ARHGAP42: variants seen among roughly 807,000 people sequenced by gnomAD.
ARHGAP42 encodes the protein Rho GTPase activating protein 42.
A neutral mutation model predicts 125.0 loss-of-function variants in ARHGAP42; 63 were observed. The ratio of observed to expected loss-of-function variants is 0.50; its 90% CI spans 0.41 to 0.62. The LOEUF (loss-of-function observed/expected upper bound fraction) is 0.62, where lower values mean the gene tolerates loss of function less well. Among genes scored for constraint, ARHGAP42 ranks in the 20% least tolerant of loss-of-function variants. The probability of loss-of-function intolerance (pLI) is 0.00; values close to 1 mark genes in which losing one functional copy is unlikely to be tolerated. For missense variants in ARHGAP42, 766 were observed against 1,024.2 expected (o/e 0.75, Z 3.44); for synonymous variants, 339 against 351.0 (o/e 0.97, Z 0.38).
chr11:100,862,443 G>A (rs1043472925), intron 4 of ARHGAP42, among the ~76,000 whole-genome samples: 5 of 152,152 alleles, frequency 3.3e-5, no homozygotes, highest in African/African-American at 1.2e-4. Context: ...GGAGGTTCAA[G>A]TTATCTTACA....
chr11:100,985,783 C>T (rs751325682), intron 22 of ARHGAP42, among the ~76,000 whole-genome samples: 1 of 152,214 alleles, frequency 6.6e-6, no homozygotes, highest in Non-Finnish European at 1.5e-5. Context: ...ATTTTCCTCT[C>T]TACACCTTCC....
At chr11:100,695,875 G>A (rs1037251309) in intron 1 of ARHGAP42, among the ~76,000 whole-genome samples, 1 of 152,138 alleles carries the variant, frequency 6.6e-6, no homozygotes, top group Non-Finnish European at 1.5e-5. Flanking sequence ...CTAGGATTTT[G>A]AGGATAATTC....
chr11:100,721,380 G>A (rs1861755553), intron 1 of ARHGAP42, among the ~76,000 whole-genome samples: 1 of 152,058 alleles, frequency 6.6e-6, no homozygotes, highest in African/African-American at 2.4e-5. Context: ...GCAATGTATA[G>A]CCCTTTCATA....
At chr11:100,807,169 G>T (rs966599017) in intron 3 of ARHGAP42, among the ~76,000 whole-genome samples, 2 of 148,908 alleles carry the variant, frequency 1.3e-5, no homozygotes, top group African/African-American at 4.9e-5. Flanking sequence ...TTTTTTAATT[G>T]TGCAAAGAGC....
chr11:100,751,442 C>T (rs910052207), intron 1 of ARHGAP42, among the ~76,000 whole-genome samples: 1 of 151,752 alleles, frequency 6.6e-6, no homozygotes, highest in South Asian at 2.1e-4. Context: ...CACTACCATA[C>T]CCAGCTAATT....
rs547781066 is a variant in ARHGAP42 at position 100,690,396 on chromosome 11, A to G, written c.154+2564A>G. ...TGAGAGTTTTGACTTGCACTCTCTT[A>G]GGTAATACACGCCTGACTATTCCAA... On this transcript the variant is annotated intron_variant, in intron 1 of 23. Coordinates refer to ENST00000298815, the MANE Select transcript of ARHGAP42 (RefSeq NM_152432.4). Among the ~76,000 whole-genome samples, 20 of 152,232 alleles carry G rather than the reference A, an allele frequency of 1.3e-4. No homozygotes were observed. The South Asian group carries it at 4.1e-3, about 32-fold the overall frequency.
chr11:100,833,443 G>A (rs1390140951), intron 3 of ARHGAP42, among the ~76,000 whole-genome samples: 1 of 152,164 alleles, frequency 6.6e-6, no homozygotes, highest in East Asian at 1.9e-4. Context: ...GTTTGGGCAG[G>A]GCTCAGATGG....
intron 4 of ARHGAP42, among the ~76,000 whole-genome samples, chr11:100,894,301 G>A (rs1242225341): frequency 6.6e-6 from 1 of 152,116 alleles, no homozygotes; most frequent in Non-Finnish European, 1.5e-5. Flanking sequence ...GGTGACCTGG[G>A]TAATTTCACA....
chr11:100,754,166 TA>T (rs1354494734), intron 1 of ARHGAP42, among the ~76,000 whole-genome samples: 1 of 151,846 alleles, frequency 6.6e-6, no homozygotes, highest in Admixed American at 6.6e-5. Context: ...TGGGAGATGT[TA>T]AAAAAAAATC....
chr11:100,903,925 T>C (rs1207966123), intron 4 of ARHGAP42, among the ~76,000 whole-genome samples: 5 of 151,554 alleles, frequency 3.3e-5, no homozygotes, highest in African/African-American at 1.2e-4. Flanking sequence ...AGATGTAGGC[T>C]GGGAGACTAG....
chr11:100,790,990 A>G (rs943160870), intron 2 of ARHGAP42, among the ~76,000 whole-genome samples: 2 of 152,216 alleles, frequency 1.3e-5, no homozygotes, highest in African/African-American at 4.8e-5. Context: ...TGCTTAAGGA[A>G]AGTCTGAGAA....
At chr11:100,706,952 G>T (rs1417786540) in intron 1 of ARHGAP42, among the ~76,000 whole-genome samples, 1 of 152,042 alleles carries the variant, frequency 6.6e-6, no homozygotes, top group East Asian at 1.9e-4. Flanking sequence ...TATACTTTCT[G>T]TTTCTACATA....
intron 1 of ARHGAP42, among the ~76,000 whole-genome samples, chr11:100,715,048 CA>C (rs36017086): frequency 0.064 from 3,943 of 61,832 alleles, 186 homozygotes; most frequent in Middle Eastern, 0.12. Flanking sequence ...AACCCTATCT[CA>C]AAAAAAAAAA....
chr11:100,933,956 T>G (rs577174122), intron 7 of ARHGAP42, among the ~76,000 whole-genome samples: 51 of 152,180 alleles, frequency 3.4e-4, no homozygotes, highest in South Asian at 8.3e-4. Flanking sequence ...CCTGGCTAAT[T>G]TTGTATTTTT....
At chr11:100,880,558 G>A (rs1019427214) in intron 4 of ARHGAP42, among the ~76,000 whole-genome samples, 3 of 152,108 alleles carry the variant, frequency 2.0e-5, no homozygotes, top group Non-Finnish European at 2.9e-5. Context: ...TACTACAAAC[G>A]TGTGTGTAAG....
chr11:100,858,467 A>AT (rs1865375514), intron 3 of ARHGAP42, among the ~76,000 whole-genome samples: 1 of 152,062 alleles, frequency 6.6e-6, no homozygotes, highest in African/African-American at 2.4e-5. Flanking sequence ...TCTAGTTTTT[A>AT]TTTTTGTATA....
At chr11:100,971,144 TA>T (rs1239725465) in intron 17 of ARHGAP42, among the ~76,000 whole-genome samples, 1 of 152,108 alleles carries the variant, frequency 6.6e-6, no homozygotes, top group East Asian at 1.9e-4. Context: ...TTCTTACTGA[TA>T]ATTAGTAGAT....
chr11:100,711,855 G>T (rs1411653086), intron 1 of ARHGAP42, among the ~76,000 whole-genome samples: 3 of 152,026 alleles, frequency 2.0e-5, no homozygotes, highest in African/African-American at 7.3e-5. Flanking sequence ...AGGAGTCAAA[G>T]AAATGCAAAT....
At chr11:100,830,127 A>G (rs1468916244) in intron 3 of ARHGAP42, among the ~76,000 whole-genome samples, 4 of 152,208 alleles carry the variant, frequency 2.6e-5, no homozygotes, top group African/African-American at 9.6e-5. Flanking sequence ...TCCTTGGTTT[A>G]GTAACTTTTA....
Sources: gnomAD v4.1 joint callset for allele counts (sites outside exome capture counted in the v4.1 genomes callset) on GRCh38, gnomAD v4.1.1 for gene constraint, MANE v1.5 for transcripts, NCBI Gene and HGNC (gene_info 2026-07-23, HGNC 2026-07-21) for gene names.